PTPRU: variants seen among roughly 807,000 people sequenced by gnomAD.
PTPRU encodes the protein receptor-type tyrosine-protein phosphatase U.
A neutral mutation model predicts 166.3 loss-of-function variants in PTPRU; 69 were observed. That is an observed-to-expected ratio of 0.41 (90% confidence interval 0.34 to 0.51). The LOEUF (loss-of-function observed/expected upper bound fraction) is 0.51. PTPRU is among the 20% of genes least tolerant of loss of function. The pLI is 0.09. For missense variants in PTPRU, 1,657 were observed against 2,013.7 expected (o/e 0.82, Z 3.39); for synonymous variants, 793 against 814.0 (o/e 0.97, Z 0.44).
intron 7 of PTPRU, among the ~76,000 whole-genome samples, chr1:29,270,813 A>G (rs1239541104): frequency 6.6e-6 from 1 of 152,132 alleles, no homozygotes; most frequent in African/African-American, 2.4e-5. Flanking sequence ...AAAACACAAA[A>G]CAAATTAACC....
chr1:29,260,549 T>C lies in PTPRU; in HGVS notation c.851-61T>C. On this transcript the variant is annotated intron_variant, in intron 6 of 29. Transcript: ENST00000373779. The surrounding 1 kb of genome is among the most constrained non-coding windows in gnomAD (Gnocchi z 8.3). ...GATTTGGGTGTGGTGGAACTCAGAGTTGGGTGCTGGGGTCTCACAGCAGCA... is the reference window on the plus strand; with the variant it reads ...GATTTGGGTGTGGTGGAACTCAGAGCTGGGTGCTGGGGTCTCACAGCAGCA... 8.0e-7 allele frequency: 1 copy of C among 1,256,338 alleles called. No homozygotes were observed. Among genetic ancestry groups the C allele is most frequent in the South Asian group, 1.6e-5 (1 of 61,744 alleles). The allele number at this position is 1,256,338 out of a possible 1,614,324, so 77.8% of individuals were successfully genotyped here.
chr1:29,270,467 T>G (rs929521470), intron 7 of PTPRU, among the ~76,000 whole-genome samples: 1 of 152,072 alleles, frequency 6.6e-6, no homozygotes, highest in African/African-American at 2.4e-5. Flanking sequence ...CCACCATGCC[T>G]GGCTAATTTT....
At chr1:29,297,804 G>A (rs183854022) in intron 15 of PTPRU, among the ~76,000 whole-genome samples, 236 of 152,330 alleles carry the variant, frequency 1.5e-3, no homozygotes, top group African/African-American at 5.5e-3. Context: ...GGGAAGTCGG[G>A]ACCAGGCTAA....
intron 19 of PTPRU, 94 bp downstream of exon 19, chr1:29,310,874 G>A (rs1044622542): frequency 4.5e-5 from 64 of 1,428,604 alleles, no homozygotes; most frequent in Non-Finnish European, 5.9e-5. Flanking sequence ...CTGCTGATCC[G>A]CTTGATTCCT....
rs1687255081 is a variant in PTPRU, at chr1:29,303,864, G to A, written c.2486G>A (p.Arg829His). ...THGYSTRGDQ[R>H]SGGVTEASSL... ...CTTTCTCTGACTGCAGGAGACCAGC[G>A]CAGCGGTGGGGTCACTGAGGCCAGC... Residue 829 changes from arginine (R) to histidine (H), a missense_variant, in exon 16 of 30, where the codon CGC becomes CAC. By Grantham distance (29) the Arg-to-His change is conservative. This residue lies in a region of PTPRU where 1,190 missense variants were observed against 1,477.4 expected (regional missense o/e 0.81). Transcript: ENST00000373779. 6 of 1,608,590 alleles carry A rather than the reference G, an allele frequency of 3.7e-6. No homozygotes were observed. Among genetic ancestry groups the A allele is most frequent in the African/African-American group, 1.3e-5 (1 of 74,912 alleles).
Position 29,259,545 on chromosome 1 carries a change from C to A in PTPRU, c.656C>A (p.Ala219Asp). 1 of 1,601,844 alleles carries A rather than the reference C, an allele frequency of 6.2e-7. No individual in the cohort carries two copies. The highest frequency in any genetic ancestry group is 8.5e-7 in the Non-Finnish European group (1 of 1,173,218). Residue 219 changes from alanine (A) to aspartate (D), a missense_variant, in exon 5 of 30, where the codon GCC (alanine) becomes GAC (aspartate). Around this residue, in one of 3 missense-constraint regions of PTPRU, gnomAD observed 453 missense variants for 496.9 expected, o/e 0.91. Transcript: ENST00000373779. ...QCMAAGRAAE[A>D]ERFLLQRQSG... The stretch of plus-strand genomic sequence containing the variant: ...ATGGCCGCGGGCAGAGCGGCCGAGG[C>A]CGAACGCTTCCTCTTGCAAGTGAGC...
At chr1:29,273,384 T>G (rs766111005) in intron 7 of PTPRU, among the ~76,000 whole-genome samples, 1 of 152,196 alleles carries the variant, frequency 6.6e-6, no homozygotes, top group Non-Finnish European at 1.5e-5. Context: ...TACTCCTGCT[T>G]CAGCTCCCTG....
intron 14 of PTPRU, among the ~76,000 whole-genome samples, chr1:29,288,918 C>T (rs968130107): frequency 6.6e-5 from 10 of 152,158 alleles, no homozygotes; most frequent in African/African-American, 9.7e-5. Flanking sequence ...AGGTAGGGCT[C>T]TTGATGGAAG....
At chr1:29,247,786 G>A (rs976223901) in intron 1 of PTPRU, among the ~76,000 whole-genome samples, 1 of 152,190 alleles carries the variant, frequency 6.6e-6, no homozygotes, top group Non-Finnish European at 1.5e-5. Context: ...CCTGGCATAA[G>A]GTCCCCTGCT....
At position 29,238,419 on chromosome 1, in the gene PTPRU, C is replaced by T. The variant is rs1377473206; in HGVS notation, c.73+1702C>T. 1.3e-5 allele frequency among the ~76,000 whole-genome samples: 2 copies of T among 152,108 alleles called. No homozygotes were observed. The highest frequency in any genetic ancestry group is 4.8e-5 in the African/African-American group (2 of 41,460). On this transcript the variant is annotated intron_variant, in intron 1 of 29. Transcript: ENST00000373779. The surrounding 1 kb of genome is among the most constrained non-coding windows in gnomAD (Gnocchi z 6.1). ...GGGCTCCGGGTAGCCGGGAGACGCC[C>T]GGGGCGGGATCCGAGCCGAGACACG...
intron 15 of PTPRU, among the ~76,000 whole-genome samples, chr1:29,298,952 T>C (rs948631378): frequency 1.3e-5 from 2 of 152,232 alleles, no homozygotes; most frequent in African/African-American, 4.8e-5. Context: ...CTAGCTCTTA[T>C]TACAGGCTGT....
intron 1 of PTPRU, among the ~76,000 whole-genome samples, chr1:29,254,927 TG>T (rs1684708274): frequency 6.6e-6 from 1 of 152,224 alleles, no homozygotes; most frequent in Non-Finnish European, 1.5e-5. Flanking sequence ...ATTCTATTCC[TG>T]ATCTTATGGG....
At chr1:29,303,357 G>A (rs890969149) in intron 15 of PTPRU, among the ~76,000 whole-genome samples, 2 of 152,274 alleles carry the variant, frequency 1.3e-5, no homozygotes, top group East Asian at 1.9e-4. Context: ...AACTGCCTGC[G>A]CAGGAGAAAG....
chr1:29,312,759 T>C, intron 22 of PTPRU, 53 bp downstream of exon 22: 1 of 1,554,908 alleles, frequency 6.4e-7, no homozygotes, highest in Non-Finnish European at 8.7e-7. Context: ...CCTGGGAATT[T>C]GGGCTTGGGG....
rs768774623 is a variant in PTPRU at position 29,303,749 on chromosome 1, C to G, written c.2477-106C>G. ...GGCTCCAGCCAACAACCCAGCTATGCTTGGCATTGGCTGTGCCTCCCCACC... is the reference window on the plus strand; with the variant it reads ...GGCTCCAGCCAACAACCCAGCTATGGTTGGCATTGGCTGTGCCTCCCCACC... On this transcript the variant is annotated intron_variant, in intron 15 of 29. Transcript: ENST00000373779. The G allele has an allele frequency of 4.4e-4, 540 of 1,226,066 alleles. 4 individuals are homozygous for G. Among genetic ancestry groups the G allele is most frequent in the Admixed American group, 9.3e-5 (4 of 42,990 alleles). The allele number at this position is 1,226,066 out of a possible 1,614,324, so 75.9% of individuals were successfully genotyped here. A position where few individuals can be genotyped will look rare whatever the true frequency, so the allele number is the denominator to read the frequency against.
At chr1:29,264,527 C>T (rs1348210363) in intron 7 of PTPRU, among the ~76,000 whole-genome samples, 1 of 148,228 alleles carries the variant, frequency 6.7e-6, no homozygotes, top group African/African-American at 2.5e-5. Context: ...TTTTTTGAGA[C>T]AGAGTTTCAC....
chr1:29,316,617 A>C (rs1687912746), intron 24 of PTPRU, among the ~76,000 whole-genome samples: 1 of 152,174 alleles, frequency 6.6e-6, no homozygotes, highest in Non-Finnish European at 1.5e-5. Context: ...TGATGCCAAC[A>C]GGTGGTTTCT....
rs757357874 is a variant in PTPRU, at chr1:29,317,710, T to C, written c.3514-38T>C. On this transcript the variant is annotated intron_variant, in intron 24 of 29. Transcript: ENST00000373779. The surrounding 1 kb of genome is among the most constrained non-coding windows in gnomAD (Gnocchi z 5.6). Reference sequence around the variant, plus strand: ...GGATGTGAGGAGGCCCAGCAAGCCCTGGACGTAACTCTCTGTCCCCACCCC... The same window carrying C: ...GGATGTGAGGAGGCCCAGCAAGCCCCGGACGTAACTCTCTGTCCCCACCCC... 43 of 1,565,596 alleles carry C rather than the reference T, an allele frequency of 2.7e-5. No homozygotes were observed. The highest frequency in any genetic ancestry group is 1.7e-4 in the Middle Eastern group (1 of 5,878).
chr1:29,282,038 G>C (rs1283688788), intron 11 of PTPRU, among the ~76,000 whole-genome samples: 2 of 152,208 alleles, frequency 1.3e-5, no homozygotes, highest in African/African-American at 2.4e-5. Flanking sequence ...TGAAACAGCA[G>C]GGCTCCGATT....
Sources: gnomAD v4.1 joint callset for allele counts (sites outside exome capture counted in the v4.1 genomes callset) on GRCh38, gnomAD v4.1.1 for gene constraint, gnomAD v4.1.1 regional missense constraint, Gnocchi (gnomAD v3.1) non-coding constraint, MANE v1.5 for transcripts, NCBI Gene and HGNC (gene_info 2026-07-23, HGNC 2026-07-21) for gene names.